Variants in HNMT observed in about 807,000 individuals in gnomAD.
HNMT encodes histamine N-methyltransferase.
A neutral mutation model predicts 32.1 loss-of-function variants in HNMT; 30 were observed. The observed-to-expected ratio is 0.93, with a 90% CI of 0.70 to 1.27. The LOEUF is 1.27. HNMT is among the 50% of genes most tolerant of loss of function. The probability of loss-of-function intolerance (pLI) is 0.00; values close to 1 mark genes in which losing one functional copy is unlikely to be tolerated. For synonymous variants in HNMT, 125 were observed against 119.0 expected (o/e 1.05, Z -0.33); for missense variants, 327 against 346.0 (o/e 0.95, Z 0.43).
intron 2 of HNMT, among the ~76,000 whole-genome samples, chr2:138,000,327 C>T (rs973434337): frequency 1.3e-5 from 2 of 152,092 alleles, no homozygotes; most frequent in Non-Finnish European, 2.9e-5. Flanking sequence ...GTTCTCTTCC[C>T]TCTTCCTACC....
intron 5 of HNMT, among the ~76,000 whole-genome samples, chr2:138,008,791 A>G (rs1681409111): frequency 1.3e-5 from 2 of 152,000 alleles, no homozygotes; most frequent in East Asian, 3.9e-4. Flanking sequence ...TGGCTTAAAG[A>G]CTACCTAAAA....
chr2:138,012,000 G>A (rs1038082655), intron 5 of HNMT, among the ~76,000 whole-genome samples: 15 of 152,170 alleles, frequency 9.9e-5, no homozygotes, highest in Middle Eastern at 6.8e-3. Context: ...TACTGACTGT[G>A]TATGTAATAT....
At chr2:137,988,139 C>A (rs1416518483) in intron 2 of HNMT, among the ~76,000 whole-genome samples, 1 of 152,270 alleles carries the variant, frequency 6.6e-6, no homozygotes, top group Non-Finnish European at 1.5e-5. Context: ...GAATAAGGAC[C>A]AGGCCAGATA....
intron 2 of HNMT, among the ~76,000 whole-genome samples, chr2:137,995,998 A>G (rs1680981184): frequency 6.6e-6 from 1 of 152,210 alleles, no homozygotes; most frequent in East Asian, 1.9e-4. Context: ...TCAATAAACT[A>G]GATATTAATG....
chr2:137,976,469 G>C (rs1380498026), intron 2 of HNMT, among the ~76,000 whole-genome samples: 1 of 152,076 alleles, frequency 6.6e-6, no homozygotes, highest in African/African-American at 2.4e-5. Flanking sequence ...CTTGTTTTAT[G>C]AGTCACCTTC....
At chr2:137,994,564 C>G (rs1680928700) in intron 2 of HNMT, among the ~76,000 whole-genome samples, 1 of 152,110 alleles carries the variant, frequency 6.6e-6, no homozygotes, top group African/African-American at 2.4e-5. Context: ...TACTCCCAGA[C>G]AATAATAGTG....
chr2:138,001,532 A>G (rs1296506074), intron 3 of HNMT, among the ~76,000 whole-genome samples: 1 of 152,206 alleles, frequency 6.6e-6, no homozygotes, highest in Non-Finnish European at 1.5e-5. Context: ...TGTAAACACT[A>G]AAATTTGAAT....
intron 2 of HNMT, among the ~76,000 whole-genome samples, chr2:137,987,263 A>C (rs1303987330): frequency 6.6e-6 from 1 of 152,204 alleles, no homozygotes; most frequent in South Asian, 2.1e-4. Context: ...GAGAGGTCAC[A>C]TGTGGGAAGA....
In HNMT at chr2:138,016,222, TG is replaced by T. The variant is rs761412095; in HGVS notation, c.*2094del. The T allele has an allele frequency of 3.3e-5, 5 of 152,186 alleles. No homozygotes were observed. The highest frequency in any genetic ancestry group is 7.3e-5 in the Non-Finnish European group (5 of 68,028). The allele number at this position is 152,186 out of a possible 1,614,324, so 9.4% of individuals were successfully genotyped here. On this transcript the variant is annotated 3_prime_UTR_variant, in exon 6 of 6. Coordinates refer to ENST00000280097, the MANE Select transcript of HNMT (RefSeq NM_006895.3). Reference sequence around the variant, plus strand: ...AGTGTTTAACATGGTGCCTTGCATATGGTAAATGCTAAGTAAAGCGGGATCA... The same window carrying T: ...AGTGTTTAACATGGTGCCTTGCATATGTAAATGCTAAGTAAAGCGGGATCA...
At chr2:138,013,676 T>G in intron 5 of HNMT, 99 bp from the exon 6 acceptor site, 1 of 823,372 alleles carries the variant, frequency 1.2e-6, no homozygotes, top group Non-Finnish European at 1.9e-6. Flanking sequence ...AAGGACAAGA[T>G]TATTATTTTG....
chr2:137,999,956 G>A (rs2104972690), intron 2 of HNMT, among the ~76,000 whole-genome samples: 1 of 150,444 alleles, frequency 6.6e-6, no homozygotes, highest in African/African-American at 2.4e-5. Context: ...AAAGCAAATT[G>A]CCCAAAGTCG....
At chr2:138,011,338 T>C (rs536219434) in intron 5 of HNMT, among the ~76,000 whole-genome samples, 37 of 152,256 alleles carry the variant, frequency 2.4e-4, no homozygotes, top group South Asian at 1.7e-3. Flanking sequence ...AAAAGATTTT[T>C]AAATAAATAC....
chr2:137,969,966 A>G (rs1250842513), intron 1 of HNMT, among the ~76,000 whole-genome samples, 199 bp from the exon 2 acceptor site: 1 of 152,188 alleles, frequency 6.6e-6, no homozygotes, highest in African/African-American at 2.4e-5. Flanking sequence ...CTCCCAGTTA[A>G]AGATTGTTAA....
intron 5 of HNMT, among the ~76,000 whole-genome samples, chr2:138,006,515 G>A (rs956980499): frequency 1.3e-5 from 2 of 151,920 alleles, no homozygotes; most frequent in Non-Finnish European, 2.9e-5. Flanking sequence ...CTTTCTATAA[G>A]TATATATTAC....
chr2:137,977,925 C>CG (rs1680335258), intron 2 of HNMT, among the ~76,000 whole-genome samples: 1 of 151,906 alleles, frequency 6.6e-6, no homozygotes, highest in African/African-American at 2.4e-5. Context: ...CTTGCCTCCC[C>CG]ACCCCCCATC....
rs1373472358 is a variant in HNMT at position 137,970,931 on chromosome 2, AAAAAAGAAAGAAAG to A, written c.190+718_190+731del. 1.3e-3 allele frequency among the ~76,000 whole-genome samples: 91 copies of A among 70,862 alleles called. 3 individuals carry two copies. Among genetic ancestry groups the A allele is most frequent in the African/African-American group, 2.8e-3 (65 of 23,080 alleles). 46.5% of individuals were successfully genotyped at this position (70,862 alleles called of 152,430 possible). ...CGAGACTACGTCTCAAAAAAAAAAA[AAAAAAGAAAGAAAG>A]AAAGAAAGAAAGAAAGAAAGAAAGA... is the stretch of plus-strand genomic sequence containing the variant. On this transcript the variant is annotated intron_variant, in intron 2 of 5. Transcript: ENST00000280097.
At chr2:137,985,119 G>A (rs1239880611) in intron 2 of HNMT, among the ~76,000 whole-genome samples, 3 of 151,642 alleles carry the variant, frequency 2.0e-5, no homozygotes, top group Non-Finnish European at 4.4e-5. Flanking sequence ...TGACACGTAA[G>A]ACTCTCAGCT....
At chr2:137,993,001 TCAA>T (rs1436711915) in intron 2 of HNMT, among the ~76,000 whole-genome samples, 4 of 151,700 alleles carry the variant, frequency 2.6e-5, no homozygotes, top group East Asian at 1.9e-4. Context: ...AACAACAGCA[TCAA>T]CAACAAGAAC....
chr2:137,978,563 A>G (rs1680365358), intron 2 of HNMT, among the ~76,000 whole-genome samples: 1 of 140,286 alleles, frequency 7.1e-6, no homozygotes, highest in Non-Finnish European at 1.5e-5. Context: ...GTATTATACA[A>G]TACATATGAC....
Sources: allele counts gnomAD v4.1 joint callset (sites outside exome capture counted in the v4.1 genomes callset), GRCh38; gene constraint gnomAD v4.1.1; transcripts MANE v1.5; gene names NCBI Gene and HGNC (gene_info 2026-07-23, HGNC 2026-07-21).